Variants in FBXL17 observed in about 807,000 individuals in gnomAD.
FBXL17 encodes the protein F-box and leucine rich repeat protein 17.
FBXL17 carries 22 observed loss-of-function variants against 66.2 expected under a neutral mutation model. That is an observed-to-expected ratio of 0.33 (90% CI 0.24 to 0.47). The LOEUF (loss-of-function observed/expected upper bound fraction) is 0.47, where lower values mean the gene tolerates loss of function less well. FBXL17 is among the 20% of genes least tolerant of loss of function. FBXL17 has a pLI of 1.00. For missense variants in FBXL17, 878 were observed against 948.2 expected, an observed-to-expected ratio of 0.93 and a Z score of 0.97; for synonymous variants, 474 against 400.5, an observed-to-expected ratio of 1.18 and a Z score of -2.19.
chr5:107,953,412 A>G (rs956985077), intron 7 of FBXL17, among the ~76,000 whole-genome samples: 17 of 151,232 alleles, frequency 1.1e-4, no homozygotes, highest in African/African-American at 1.7e-4. Context: ...CAAAAAAAAA[A>G]AAAAAAAAAA....
At chr5:107,943,544 C>T (rs1751184556) in intron 7 of FBXL17, among the ~76,000 whole-genome samples, 1 of 112,404 alleles carries the variant, frequency 8.9e-6, no homozygotes, top group Non-Finnish European at 1.8e-5. Context: ...TTTAGAACCT[C>T]ATCTTTTTTT....
At chr5:108,064,992 AG>A (rs1421998610) in intron 6 of FBXL17, among the ~76,000 whole-genome samples, 1 of 152,126 alleles carries the variant, frequency 6.6e-6, no homozygotes, top group East Asian at 1.9e-4. Context: ...TACATATAAA[AG>A]CTACAACAGT....
At chr5:108,236,836 G>C (rs995394073) in intron 4 of FBXL17, among the ~76,000 whole-genome samples, 9 of 152,186 alleles carry the variant, frequency 5.9e-5, no homozygotes, top group Non-Finnish European at 1.0e-4. Context: ...GAATGCAAAA[G>C]AAAGCCAGCA....
chr5:107,893,494 C>G (rs113765361), intron 7 of FBXL17, among the ~76,000 whole-genome samples: 23 of 152,272 alleles, frequency 1.5e-4, no homozygotes, highest in Non-Finnish European at 3.4e-4. Flanking sequence ...TTTGAAAAGT[C>G]TGTAAAAACA....
chr5:108,381,846 G>A lies in FBXL17; in HGVS notation c.-155C>T, dbSNP rs1367561786. 4.6e-6 allele frequency: 6 copies of A among 1,297,694 alleles called. No homozygotes were observed. In the East Asian group the frequency reaches 1.9e-4, roughly 41 times the overall value. The allele number at this position is 1,297,694 out of a possible 1,614,324, so 80.4% of individuals were successfully genotyped here. A position where few individuals can be genotyped will look rare whatever the true frequency, so the allele number is the denominator to read the frequency against. On this transcript the variant is annotated 5_prime_UTR_variant, in exon 1 of 9. Transcript: ENST00000542267. ...CACACACGGGCACACACGCGACGGT[G>A]GGGGGTGGGCGTCAGCTGCGGGCCG...
chr5:107,912,715 G>A (rs1300651907), intron 7 of FBXL17, among the ~76,000 whole-genome samples: 1 of 152,150 alleles, frequency 6.6e-6, no homozygotes, highest in Non-Finnish European at 1.5e-5. Context: ...GGATTAGGAG[G>A]GAGACTGGTA....
intron 6 of FBXL17, among the ~76,000 whole-genome samples, chr5:108,118,272 G>A (rs578225971): frequency 3.3e-5 from 5 of 152,084 alleles, no homozygotes; most frequent in Non-Finnish European, 7.4e-5. Context: ...ACTGAGTAAG[G>A]GACATCCCTG....
At chr5:108,253,247 G>T (rs1756436258) in intron 4 of FBXL17, among the ~76,000 whole-genome samples, 1 of 151,990 alleles carries the variant, frequency 6.6e-6, no homozygotes, top group South Asian at 2.1e-4. Flanking sequence ...GAAAAAAGGT[G>T]ATTTTTTTAA....
chr5:108,301,334 A>T (rs916872429), intron 4 of FBXL17, among the ~76,000 whole-genome samples: 2 of 151,846 alleles, frequency 1.3e-5, no homozygotes, highest in Admixed American at 6.6e-5. Context: ...AAAACAATGC[A>T]GATCATTTTT....
At chr5:108,247,825 G>C (rs190829290) in intron 4 of FBXL17, among the ~76,000 whole-genome samples, 28 of 152,160 alleles carry the variant, frequency 1.8e-4, no homozygotes, top group Admixed American at 9.2e-4. Flanking sequence ...CAAATACCAG[G>C]GATTAACATT....
At chr5:108,051,202 T>C (rs908582698) in intron 6 of FBXL17, among the ~76,000 whole-genome samples, 6 of 152,174 alleles carry the variant, frequency 3.9e-5, no homozygotes, top group Non-Finnish European at 7.4e-5. Context: ...TTCCAAACAA[T>C]TGAAAAGGAG....
chr5:108,152,590 T>C (rs919912769), intron 6 of FBXL17, among the ~76,000 whole-genome samples: 1 of 152,170 alleles, frequency 6.6e-6, no homozygotes, highest in Non-Finnish European at 1.5e-5. Context: ...TACTTAAAAC[T>C]AAATGCCTCT....
chr5:108,305,993 G>C (rs1457254332), intron 4 of FBXL17, among the ~76,000 whole-genome samples: 2 of 151,982 alleles, frequency 1.3e-5, no homozygotes, highest in Admixed American at 1.3e-4. Flanking sequence ...GATTAATACT[G>C]ATCTAGGATA....
chr5:108,159,857 T>C (rs1355535633), intron 6 of FBXL17, among the ~76,000 whole-genome samples: 2 of 152,162 alleles, frequency 1.3e-5, no homozygotes, highest in African/African-American at 4.8e-5. Flanking sequence ...CCCTAAATAC[T>C]ACATGAAGAT....
intron 1 of FBXL17, among the ~76,000 whole-genome samples, chr5:108,376,657 A>G (rs1263276433): frequency 6.6e-6 from 1 of 152,124 alleles, no homozygotes; most frequent in Non-Finnish European, 1.5e-5. Context: ...ATCTAGGCTC[A>G]CTCACAGTCA....
intron 7 of FBXL17, among the ~76,000 whole-genome samples, chr5:107,894,040 G>A (rs766848799): frequency 6.6e-6 from 1 of 152,146 alleles, no homozygotes; most frequent in Non-Finnish European, 1.5e-5. Context: ...GTATGTGTGT[G>A]GATTTTTCCC....
At chr5:108,179,590 C>A (rs1752923741) in intron 6 of FBXL17, among the ~76,000 whole-genome samples, 2 of 152,104 alleles carry the variant, frequency 1.3e-5, no homozygotes, top group Non-Finnish European at 2.9e-5. Flanking sequence ...GTTTGAGGGA[C>A]TTTAATAAAC....
intron 5 of FBXL17, among the ~76,000 whole-genome samples, chr5:108,217,679 G>C (rs534356935): frequency 5.3e-5 from 8 of 152,202 alleles, no homozygotes; most frequent in South Asian, 2.1e-4. Flanking sequence ...ATGTACTACA[G>C]TCTATAGTCT....
intron 4 of FBXL17, among the ~76,000 whole-genome samples, chr5:108,266,375 T>C (rs984654303): frequency 1.3e-5 from 2 of 152,090 alleles, no homozygotes; most frequent in African/African-American, 4.8e-5. Flanking sequence ...GATTAAATCT[T>C]GTGCCATCCT....
Sources: gnomAD v4.1 joint callset for allele counts (sites outside exome capture counted in the v4.1 genomes callset) on GRCh38, gnomAD v4.1.1 for gene constraint, MANE v1.5 for transcripts, NCBI Gene and HGNC (gene_info 2026-07-23, HGNC 2026-07-21) for gene names.